The following DOCK1 variants were observed in gnomAD, a reference collection of about 807,000 sequenced individuals.
The protein encoded by DOCK1 is dedicator of cytokinesis 1, also known as dedicator of cytokinesis protein 1.
A neutral mutation model predicts 262.7 loss-of-function variants in DOCK1; 138 were observed. That is an observed-to-expected ratio of 0.53 (90% CI 0.46 to 0.61). DOCK1 has a LOEUF of 0.61. Ranked by LOEUF, DOCK1 falls within the 20% of genes least tolerant of loss-of-function variation. DOCK1 has a pLI of 0.00. For missense variants in DOCK1, 1,908 were observed against 2,370.7 expected, an observed-to-expected ratio of 0.80 and a Z score of 4.05; for synonymous variants, 866 against 867.4, an observed-to-expected ratio of 1.00 and a Z score of 0.03.
At chr10:127,433,016 C>T (rs1591040038) in intron 47 of DOCK1, among the ~76,000 whole-genome samples, 1 of 152,304 alleles carries the variant, frequency 6.6e-6, no homozygotes, top group Non-Finnish European at 1.5e-5. Context: ...GTTGACGCAT[C>T]GCGGTCTTTG....
intron 19 of DOCK1, 32 bp downstream of exon 19, chr10:127,037,848 C>CTTTTTT: frequency 1.9e-6 from 2 of 1,047,180 alleles, no homozygotes; most frequent in Non-Finnish European, 2.6e-6. Context: ...CTTTTTGGGT[C>CTTTTTT]TTTTTTTTTT....
Position 127,042,647 on chromosome 10 carries a change from C to T in DOCK1, c.2033C>T (p.Ala678Val), listed in dbSNP as rs1382571749. ...VVKFLQDTLD[A>V]LFNIMMENSE... ...CAGTTTCTTCAGGACACGTTGGATG[C>T]CCTCTTCAACATCATGATGGAGAAC... The change falls in exon 20 of 52, where the codon GCC (alanine) becomes GTC (valine). Residue 678 changes from alanine to valine, a missense_variant. Ala to Val is a moderately conservative substitution (Grantham distance 64, BLOSUM62 0). Around this residue, in one of 9 missense-constraint regions of DOCK1, gnomAD observed 294 missense variants for 439.9 expected, o/e 0.67. Coordinates refer to ENST00000623213, the MANE Select transcript of DOCK1 (RefSeq NM_001290223.2). 1 of 1,614,144 alleles carries T rather than the reference C, an allele frequency of 6.2e-7. No individual in the cohort carries two copies.
chr10:127,410,412 C>T (rs958073538), intron 42 of DOCK1, among the ~76,000 whole-genome samples: 9 of 152,182 alleles, frequency 5.9e-5, no homozygotes, highest in African/African-American at 1.7e-4. Context: ...ACCCCGACCG[C>T]GGAGGCAGGT....
rs2040140638 is a variant in DOCK1, at chr10:126,995,658, AGG to A, written c.474-1088_474-1087del. 1.1e-5 allele frequency among the ~76,000 whole-genome samples: 1 copy of A among 95,210 alleles called. No homozygotes were observed. Among genetic ancestry groups the A allele is most frequent in the South Asian group, 5.3e-4 (1 of 1,892 alleles). 62.5% of individuals were successfully genotyped at this position (95,210 alleles called of 152,430 possible). On this transcript the variant is annotated intron_variant, in intron 6 of 51. Coordinates refer to ENST00000623213, the MANE Select transcript of DOCK1 (RefSeq NM_001290223.2). This position sits in a 1 kb window ranked among gnomAD's most constrained non-coding sequence, Gnocchi z 5.8. ...AGAGAGGGAGAGGGAGACCGTGGAG[AGG>A]GAGAGGGAGACCGTGGAGAGGGAGA...
rs2134039689 is a variant in DOCK1, at chr10:127,374,208, T to C, written c.3669T>C (p.Asn1223=). ...AAAACCGCATGAGCTGCACCGTCAA[T>C]GTGCTGGTGAGTGAAAGCTTAATCA... ...NKENRMSCTV[N]VLNFYKEIER... Residue 1223 remains asparagine, a synonymous_variant, in exon 35 of 52, where the codon AAT becomes AAC. Transcript: ENST00000623213. 6.2e-7 allele frequency: 1 copy of C among 1,606,642 alleles called. No homozygotes were observed.
At chr10:127,103,886 TG>T (rs2048388935) in intron 23 of DOCK1, among the ~76,000 whole-genome samples, 2 of 152,226 alleles carry the variant, frequency 1.3e-5, no homozygotes, top group South Asian at 4.1e-4. Context: ...CTTCTAAAGT[TG>T]CTGAACTATT....
At chr10:127,085,701 T>G (rs544842849) in intron 23 of DOCK1, among the ~76,000 whole-genome samples, 1 of 152,066 alleles carries the variant, frequency 6.6e-6, no homozygotes, top group Non-Finnish European at 1.5e-5. Context: ...GAGGTTGCAG[T>G]GAGCCGAGAT....
chr10:127,220,994 T>C (rs980676224), intron 27 of DOCK1, among the ~76,000 whole-genome samples: 3 of 152,122 alleles, frequency 2.0e-5, no homozygotes, highest in Non-Finnish European at 4.4e-5. Context: ...CACTCACCAG[T>C]TTAGATGTGT....
chr10:126,967,360 C>G (rs971102477), intron 1 of DOCK1, among the ~76,000 whole-genome samples: 83 of 152,244 alleles, frequency 5.5e-4, no homozygotes, highest in African/African-American at 1.9e-3. Flanking sequence ...CTACATGGTT[C>G]TTGTTTTTCT....
At chr10:127,122,923 T>C (rs2049700544) in intron 25 of DOCK1, among the ~76,000 whole-genome samples, 1 of 152,144 alleles carries the variant, frequency 6.6e-6, no homozygotes, top group African/African-American at 2.4e-5. Flanking sequence ...GCTCTGAGAA[T>C]AGCACAGATC....
intron 30 of DOCK1, among the ~76,000 whole-genome samples, chr10:127,340,394 G>A (rs1476340859): frequency 1.3e-5 from 2 of 152,012 alleles, no homozygotes; most frequent in East Asian, 3.9e-4. Context: ...GGGCCTGTGT[G>A]TGTTTTTTTT....
chr10:127,434,722 G>A (rs912719253), intron 48 of DOCK1, among the ~76,000 whole-genome samples: 45 of 149,416 alleles, frequency 3.0e-4, no homozygotes, highest in Non-Finnish European at 4.3e-4. Flanking sequence ...GCACGATCTC[G>A]GCTCACTGCA....
intron 12 of DOCK1, among the ~76,000 whole-genome samples, chr10:127,015,406 G>C (rs945949463): frequency 6.6e-6 from 1 of 151,922 alleles, no homozygotes; most frequent in African/African-American, 2.4e-5. Context: ...GGCACCATCT[G>C]TCCCAGTTTT....
chr10:127,062,169 C>T (rs1323479068), intron 23 of DOCK1, among the ~76,000 whole-genome samples: 3 of 152,058 alleles, frequency 2.0e-5, no homozygotes, highest in Admixed American at 2.0e-4. Flanking sequence ...CAATTCCTGA[C>T]CTCAGGTGAC....
chr10:127,242,144 C>T (rs2059287317), intron 27 of DOCK1, among the ~76,000 whole-genome samples: 1 of 152,154 alleles, frequency 6.6e-6, no homozygotes, highest in Non-Finnish European at 1.5e-5. Context: ...CTCAGAGTCC[C>T]CTGGTCCTTG....
chr10:127,375,870 A>G (rs1182174391), intron 35 of DOCK1, among the ~76,000 whole-genome samples: 1 of 152,210 alleles, frequency 6.6e-6, no homozygotes, highest in East Asian at 1.9e-4. Flanking sequence ...GAAAACAATC[A>G]ACAATTATTA....
At chr10:127,298,299 G>A (rs768841994) in intron 29 of DOCK1, among the ~76,000 whole-genome samples, 1 of 152,182 alleles carries the variant, frequency 6.6e-6, no homozygotes, top group African/African-American at 2.4e-5. Flanking sequence ...GGGTTAGCTC[G>A]AATCTGTGAT....
chr10:127,237,215 C>T (rs2059103132), intron 27 of DOCK1, among the ~76,000 whole-genome samples: 1 of 151,864 alleles, frequency 6.6e-6, no homozygotes, highest in African/African-American at 2.4e-5. Flanking sequence ...GAAAAATTAG[C>T]CGGGTATGGT....
At chr10:127,154,118 T>C (rs1185793144) in intron 27 of DOCK1, among the ~76,000 whole-genome samples, 2 of 152,248 alleles carry the variant, frequency 1.3e-5, no homozygotes, top group Non-Finnish European at 2.9e-5. Context: ...ACAGCTAAGA[T>C]GATATTTAAA....
Sources: gnomAD v4.1 joint callset for allele counts (sites outside exome capture counted in the v4.1 genomes callset) on GRCh38, gnomAD v4.1.1 for gene constraint, gnomAD v4.1.1 regional missense constraint, Gnocchi (gnomAD v3.1) non-coding constraint, MANE v1.5 for transcripts, NCBI Gene and HGNC (gene_info 2026-07-23, HGNC 2026-07-21) for gene names.